NCAPD2: variants seen among roughly 807,000 people sequenced by gnomAD.
NCAPD2 encodes the protein condensin complex subunit 1.
Under a neutral mutation model 164.5 loss-of-function variants are expected in NCAPD2, and 100 were observed. The ratio of observed to expected loss-of-function variants is 0.61; its 90% CI spans 0.52 to 0.72. NCAPD2 has a LOEUF of 0.72. NCAPD2 is among the 30% of genes least tolerant of loss of function. The probability of loss-of-function intolerance (pLI) is 0.00; values close to 1 mark genes in which losing one functional copy is unlikely to be tolerated. For synonymous variants in NCAPD2, 585 were observed against 642.6 expected, an observed-to-expected ratio of 0.91 and a Z score of 1.36; for missense variants, 1,560 against 1,749.2, an observed-to-expected ratio of 0.89 and a Z score of 1.93.
At chr12:6,530,523 C>CTT (rs1946361161) in intron 29 of NCAPD2, among the ~76,000 whole-genome samples, 168 bp from the exon 30 acceptor site, 1 of 152,238 alleles carries the variant, frequency 6.6e-6, no homozygotes, top group African/African-American at 2.4e-5. Context: ...GTTGCCATCA[C>CTT]TTTGTCTTTT....
intron 2 of NCAPD2, among the ~76,000 whole-genome samples, chr12:6,497,346 G>C (rs943358142): frequency 3.4e-5 from 5 of 149,004 alleles, no homozygotes; most frequent in Non-Finnish European, 1.5e-5. Flanking sequence ...GTGCAAGTTT[G>C]TTACATAGGT....
Position 6,530,963 on chromosome 12 carries a change from A to T in NCAPD2, c.4007A>T (p.Asp1336Val). The change falls in exon 31 of 32, where the codon GAC becomes GTC. Residue 1336 changes from aspartate to valine, a missense_variant. Physicochemically the swap from Asp to Val is radical, Grantham distance 152. Transcript: ENST00000315579. ...CTGGCTTCTACAGCCTCAGACAATGACTTTGTCACACCAGAGCCCCGCCGT... is the reference window on the plus strand; with the variant it reads ...CTGGCTTCTACAGCCTCAGACAATGTCTTTGTCACACCAGAGCCCCGCCGT... ...QPLASTASDN[D>V]FVTPEPRRTT... 6.2e-7 allele frequency: 1 copy of T among 1,614,084 alleles called. No individual in the cohort carries two copies. The highest frequency in any genetic ancestry group is 8.5e-7 in the Non-Finnish European group (1 of 1,180,012).
chr12:6,529,692 T>C, intron 28 of NCAPD2, 83 bp from the exon 29 acceptor site: 1 of 1,600,754 alleles, frequency 6.2e-7, no homozygotes, highest in Non-Finnish European at 8.6e-7. Flanking sequence ...GTGGCATCCC[T>C]GGGACTGGGG....
Position 6,516,916 on chromosome 12 carries a change from G to A in NCAPD2, c.1076G>A (p.Arg359Gln), listed in dbSNP as rs776764263. The A allele has an allele frequency of 1.5e-5, 25 of 1,614,014 alleles. No homozygotes were observed. The South Asian group carries it at 1.8e-4, about 11-fold the overall frequency. ...GGCGATCAACTGGAAGCAGCAGCCC[G>A]AGACACCAGAGACCAGTTCTTGGAT... Reference protein sequence around the residue: ...LSGDQLEAAARDTRDQFLDTL... With the variant: ...LSGDQLEAAAQDTRDQFLDTL... Residue 359 changes from arginine to glutamine, a missense_variant, in exon 10 of 32, where the codon CGA (arginine) becomes CAA (glutamine). By Grantham distance (43) the Arg-to-Gln change is conservative. Transcript: ENST00000315579.
chr12:6,504,204 T>TATATAC (rs1946073122), intron 2 of NCAPD2, among the ~76,000 whole-genome samples: 1 of 22,616 alleles, frequency 4.4e-5, no homozygotes, highest in African/African-American at 4.8e-4. Flanking sequence ...TATATATATA[T>TATATAC]ATATATATAT....
chr12:6,515,640 A>G (rs10849479), intron 9 of NCAPD2, among the ~76,000 whole-genome samples: 23,890 of 152,118 alleles, frequency 0.16, 2,222 homozygotes, highest in East Asian at 0.36. Context: ...TGATTCCCAT[A>G]CTGATGTTGG....
chr12:6,529,547 A>T lies in NCAPD2; in HGVS notation c.3607A>T (p.Thr1203Ser). 1 of 1,614,094 alleles carries T rather than the reference A, an allele frequency of 6.2e-7. No homozygotes were observed. The highest frequency in any genetic ancestry group is 8.5e-7 in the Non-Finnish European group (1 of 1,180,006). ...LLSYITKDKQ[T>S]ESLVEKLCQR... ...CTCCTACATCACCAAGGACAAGCAG[A>T]CAGAGAGCCTGGTGGAAAAGCTGTG... Residue 1203 changes from threonine (T) to serine (S), a missense_variant, in exon 28 of 32, where the codon ACA becomes TCA. By Grantham distance (58) the Thr-to-Ser change is moderately conservative (BLOSUM62 1). Coordinates refer to ENST00000315579, the MANE Select transcript of NCAPD2 (RefSeq NM_014865.4).
In NCAPD2 at chr12:6,531,205, C is replaced by T; in HGVS notation, c.4121-122C>T. 5.4e-6 allele frequency: 8 copies of T among 1,486,664 alleles called. No individual in the cohort carries two copies. In the South Asian group the frequency reaches 8.5e-5, roughly 16 times the overall value. 92.1% of individuals were successfully genotyped at this position (1,486,664 alleles called of 1,614,324 possible). ...CCCCACTGCCGCAGAAGGGCCTCTC[C>T]TGTACAGCTTGGATTTTATTTCTTC... On this transcript the variant is annotated intron_variant, in intron 31 of 31. Transcript: ENST00000315579. The surrounding 1 kb of genome is among the most constrained non-coding windows in gnomAD (Gnocchi z 4.1).
chr12:6,520,076 G>A lies in NCAPD2; in HGVS notation c.1590-910G>A, dbSNP rs188405486. 1.5e-3 allele frequency among the ~76,000 whole-genome samples: 231 copies of A among 151,738 alleles called. 6 individuals carry two copies. The highest frequency in any genetic ancestry group is 3.9e-4 in the East Asian group (2 of 5,188). ...CGTACCTGTAATCCTAGCTATTTGG[G>A]GAGCTGAGGCATGAGAATCACTCAA... is the stretch of plus-strand genomic sequence containing the variant. On this transcript the variant is annotated intron_variant, in intron 13 of 31. Transcript: ENST00000315579.
chr12:6,517,776 T>C lies in NCAPD2; in HGVS notation c.1409-3T>C. On this transcript the variant is annotated splice_polypyrimidine_tract_variant and splice_region_variant and intron_variant, in intron 12 of 31. Transcript: ENST00000315579. Reference sequence around the variant, plus strand: ...AAAGAGACTAAGTGACACTCTCATTTAGCTGCAGTGCTGGACCCAGAGGAG... The same window carrying C: ...AAAGAGACTAAGTGACACTCTCATTCAGCTGCAGTGCTGGACCCAGAGGAG... 2.5e-6 allele frequency: 4 copies of C among 1,614,156 alleles called. No homozygotes were observed. The highest frequency in any genetic ancestry group is 3.4e-6 in the Non-Finnish European group (4 of 1,179,996).
rs370387241 is a variant in NCAPD2, at chr12:6,516,895, A to G, written c.1055A>G (p.Asp352Gly). The G allele has an allele frequency of 9.3e-6, 15 of 1,613,990 alleles. No homozygotes were observed. The highest frequency in any genetic ancestry group is 8.0e-5 in the African/African-American group (6 of 74,898). ...AEMVLQVLSG[D>G]QLEAAARDTR... is the part of the protein sequence containing the mutation. ...ATGGTGCTGCAGGTTCTCAGTGGCG[A>G]TCAACTGGAAGCAGCAGCCCGAGAC... is the stretch of plus-strand genomic sequence containing the variant. Residue 352 changes from aspartate to glycine, a missense_variant, in exon 10 of 32, where the codon GAT becomes GGT. Physicochemically the swap from Asp to Gly is moderately conservative, Grantham distance 94. Transcript: ENST00000315579.
At chr12:6,527,683 C>A in intron 22 of NCAPD2, 94 bp from the exon 23 acceptor site, 1 of 1,113,410 alleles carries the variant, frequency 9.0e-7, no homozygotes, top group Non-Finnish European at 1.3e-6. Context: ...GTAGAATTTG[C>A]CCTTCCTCAC....
intron 9 of NCAPD2, among the ~76,000 whole-genome samples, chr12:6,516,427 G>T (rs559600790): frequency 6.6e-6 from 1 of 152,044 alleles, no homozygotes; most frequent in Non-Finnish European, 1.5e-5. Context: ...ACTTGAACCC[G>T]GGAGTCAGAG....
At position 6,529,802 on chromosome 12, in the gene NCAPD2, C is replaced by T. The variant is rs771286091; in HGVS notation, c.3681C>T (p.Ala1227=). The change falls in exon 29 of 32, where the codon GCC becomes GCT. Residue 1227 remains alanine (A), a synonymous_variant. Coordinates refer to ENST00000315579, the MANE Select transcript of NCAPD2 (RefSeq NM_014865.4). Reference sequence around the variant, plus strand: ...CTGAGCGGCAGCAGCGAGACCTGGCCTACTGTGTGTCACAGCTGCCCCTCA... The same window carrying T: ...CTGAGCGGCAGCAGCGAGACCTGGCTTACTGTGTGTCACAGCTGCCCCTCA... The part of the protein sequence containing the change: ...SRTERQQRDL[A]YCVSQLPLTE... 12 of 1,613,872 alleles carry T rather than the reference C, an allele frequency of 7.4e-6. No individual in the cohort carries two copies. In the South Asian group the frequency reaches 9.9e-5, roughly 13 times the overall value.
chr12:6,520,097 C>T (rs1946250347), intron 13 of NCAPD2, among the ~76,000 whole-genome samples: 1 of 151,578 alleles, frequency 6.6e-6, no homozygotes, highest in Non-Finnish European at 1.5e-5. Context: ...ATGAGAATCA[C>T]TCAAACCTAG....
chr12:6,529,801 C>T lies in NCAPD2; in HGVS notation c.3680C>T (p.Ala1227Val). ...SRTERQQRDLAYCVSQLPLTE... is the reference protein window; with the variant it reads ...SRTERQQRDLVYCVSQLPLTE... ...ACTGAGCGGCAGCAGCGAGACCTGG[C>T]CTACTGTGTGTCACAGCTGCCCCTC... Residue 1227 changes from alanine to valine, a missense_variant, in exon 29 of 32, where the codon GCC (alanine) becomes GTC (valine). Transcript: ENST00000315579. 1 of 1,613,888 alleles carries T rather than the reference C, an allele frequency of 6.2e-7. No homozygotes were observed. The highest frequency in any genetic ancestry group is 2.2e-5 in the East Asian group (1 of 44,894).
At chr12:6,517,565 T>G (rs1370800200) in intron 11 of NCAPD2, 31 bp from the exon 12 acceptor site, 8 of 1,614,148 alleles carry the variant, frequency 5.0e-6, no homozygotes, top group Non-Finnish European at 6.8e-6. Context: ...TTATGTCATT[T>G]ACTGACCCTG....
intron 22 of NCAPD2, 107 bp downstream of exon 22, chr12:6,527,170 A>AGAC: frequency 8.0e-7 from 1 of 1,254,478 alleles, no homozygotes. Flanking sequence ...CATGAAGCGA[A>AGAC]GAGTTTCTGC....
In NCAPD2 at chr12:6,521,796, A is replaced by G. The variant is rs1189940590; in HGVS notation, c.1715-2A>G. 6.2e-7 allele frequency: 1 copy of G among 1,613,752 alleles called. No homozygotes were observed. Among genetic ancestry groups the G allele is most frequent in the Non-Finnish European group, 8.5e-7 (1 of 1,179,838 alleles). ...CCATCCTGTACTTCTCTAACTCCTT[A>G]GGCCCAGCAGCTTCCACACAAGAAA... On this transcript the variant is annotated splice_acceptor_variant, in intron 14 of 31. Coordinates refer to ENST00000315579, the MANE Select transcript of NCAPD2 (RefSeq NM_014865.4). LOFTEE classifies it high-confidence loss of function.
Sources: gnomAD v4.1 joint callset for allele counts (sites outside exome capture counted in the v4.1 genomes callset) on GRCh38, gnomAD v4.1.1 for gene constraint, Gnocchi (gnomAD v3.1) non-coding constraint, MANE v1.5 for transcripts, NCBI Gene and HGNC (gene_info 2026-07-23, HGNC 2026-07-21) for gene names.